THSD7B: variants seen among roughly 807,000 people sequenced by gnomAD.
THSD7B encodes thrombospondin type 1 domain containing 7B.
THSD7B carries 138 observed loss-of-function variants against 213.6 expected under a neutral mutation model. The ratio of observed to expected loss-of-function variants is 0.65; its 90% CI spans 0.56 to 0.74. THSD7B has a LOEUF of 0.74. Ranked by LOEUF, THSD7B falls within the 30% of genes least tolerant of loss-of-function variation. The probability of loss-of-function intolerance (pLI) is 0.00; values close to 1 mark genes in which losing one functional copy is unlikely to be tolerated. For missense variants in THSD7B, 1,931 were observed against 1,991.5 expected (o/e 0.97, Z 0.58); for synonymous variants, 742 against 687.0 (o/e 1.08, Z -1.25).
rs74780304 is a variant in THSD7B at position 137,383,236 on chromosome 2, G to T, written c.2501-22377G>T. 7.0e-3 allele frequency among the ~76,000 whole-genome samples: 1,063 copies of T among 152,270 alleles called. 5 individuals carry two copies. Among genetic ancestry groups the T allele is most frequent in the Non-Finnish European group, 9.6e-3 (651 of 68,026 alleles). On this transcript the variant is annotated intron_variant, in intron 12 of 27. Coordinates refer to ENST00000409968, the MANE Select transcript of THSD7B (RefSeq NM_001316349.2). ...TGTTGCCTGCCCCAGTGCCCCTAAAGGTAGGGAAATAAAAACTTGGCTTAA... is the reference window on the plus strand; with the variant it reads ...TGTTGCCTGCCCCAGTGCCCCTAAATGTAGGGAAATAAAAACTTGGCTTAA...
At chr2:136,975,655 T>A (rs1685468911) in intron 2 of THSD7B, among the ~76,000 whole-genome samples, 1 of 152,144 alleles carries the variant, frequency 6.6e-6, no homozygotes, top group Non-Finnish European at 1.5e-5. Flanking sequence ...CTTAAGGTTG[T>A]CTTGGATGTA....
intron 10 of THSD7B, among the ~76,000 whole-genome samples, chr2:137,263,421 C>T (rs1682498728): frequency 1.3e-5 from 2 of 152,178 alleles, no homozygotes; most frequent in South Asian, 4.2e-4. Context: ...AGGTTAAGTG[C>T]CTTGCCCAAG....
chr2:137,380,864 G>A lies in THSD7B; in HGVS notation c.2501-24749G>A, dbSNP rs147460543. ...ATTAGGTGATCACCCACATGAGCTC[G>A]TGCTTGGCTTAGAGCCACTATTGTC... On this transcript the variant is annotated intron_variant, in intron 12 of 27. Coordinates refer to ENST00000409968, the MANE Select transcript of THSD7B (RefSeq NM_001316349.2). Among the ~76,000 whole-genome samples the A allele has an allele frequency of 2.6e-3, 400 of 152,352 alleles. 1 individual carries two copies. Among genetic ancestry groups the A allele is most frequent in the African/African-American group, 9.1e-3 (380 of 41,586 alleles).
intron 15 of THSD7B, among the ~76,000 whole-genome samples, chr2:137,557,975 A>C (rs1191824799): frequency 6.6e-6 from 1 of 152,214 alleles, no homozygotes; most frequent in Admixed American, 6.5e-5. Flanking sequence ...GAAATGGATA[A>C]ATTCCTGGAC....
chr2:137,574,688 A>G (rs557067319), intron 17 of THSD7B, among the ~76,000 whole-genome samples: 1 of 152,086 alleles, frequency 6.6e-6, no homozygotes, highest in East Asian at 1.9e-4. Context: ...AAAAAATGGT[A>G]ATTAGGGCTC....
At chr2:137,479,213 C>T (rs1329207755) in intron 15 of THSD7B, among the ~76,000 whole-genome samples, 1 of 152,160 alleles carries the variant, frequency 6.6e-6, no homozygotes, top group Non-Finnish European at 1.5e-5. Context: ...CAAGGCCAGT[C>T]TCCAGGCCCA....
At chr2:137,268,316 C>A (rs370446180) in intron 10 of THSD7B, among the ~76,000 whole-genome samples, 2 of 151,478 alleles carry the variant, frequency 1.3e-5, no homozygotes, top group East Asian at 1.9e-4. Flanking sequence ...CCCCCACCCC[C>A]CAACAGGCCC....
chr2:137,624,716 A>G (rs1378412686), intron 20 of THSD7B, among the ~76,000 whole-genome samples: 1 of 152,246 alleles, frequency 6.6e-6, no homozygotes, highest in Non-Finnish European at 1.5e-5. Flanking sequence ...CAACAGACAC[A>G]TGAAAAAATG....
intron 3 of THSD7B, among the ~76,000 whole-genome samples, chr2:137,072,063 T>C (rs1005059327): frequency 6.6e-6 from 1 of 152,240 alleles, no homozygotes; most frequent in African/African-American, 2.4e-5. Flanking sequence ...CTTCGTTCTT[T>C]GGCTTAGGAT....
intron 15 of THSD7B, among the ~76,000 whole-genome samples, chr2:137,464,313 A>G (rs1030145640): frequency 6.6e-6 from 1 of 152,104 alleles, no homozygotes; most frequent in African/African-American, 2.4e-5. Flanking sequence ...GGGTTCTTCC[A>G]GAAAGAGTGC....
chr2:136,839,768 T>A (rs1389042731), intron 1 of THSD7B, among the ~76,000 whole-genome samples: 1 of 152,216 alleles, frequency 6.6e-6, no homozygotes. Flanking sequence ...TGCCTGATGG[T>A]CATTTAGATC....
intron 1 of THSD7B, among the ~76,000 whole-genome samples, chr2:136,783,281 T>C (rs1412079008): frequency 1.3e-5 from 2 of 152,200 alleles, no homozygotes; most frequent in African/African-American, 4.8e-5. Flanking sequence ...TAGTGTGTTA[T>C]TCTACCTAGC....
At chr2:137,274,461 A>G (rs564139723) in intron 11 of THSD7B, among the ~76,000 whole-genome samples, 51 of 152,208 alleles carry the variant, frequency 3.4e-4, no homozygotes, top group African/African-American at 1.1e-3. Flanking sequence ...CCCTATGTAG[A>G]ATTGGCAATA....
intron 1 of THSD7B, among the ~76,000 whole-genome samples, chr2:136,821,064 A>G (rs981279063): frequency 1.1e-4 from 16 of 152,226 alleles, no homozygotes; most frequent in African/African-American, 3.9e-4. Flanking sequence ...TTTTTTGTGT[A>G]TAAAAATGAC....
chr2:137,226,005 A>G (rs1370816911), intron 7 of THSD7B, among the ~76,000 whole-genome samples: 1 of 151,800 alleles, frequency 6.6e-6, no homozygotes, highest in Non-Finnish European at 1.5e-5. Flanking sequence ...TGAGGACATA[A>G]TATTTAGATT....
At chr2:137,106,316 A>G (rs1385725279) in intron 4 of THSD7B, among the ~76,000 whole-genome samples, 1 of 152,238 alleles carries the variant, frequency 6.6e-6, no homozygotes, top group African/African-American at 2.4e-5. Flanking sequence ...TGTTTAATAA[A>G]TGGTGTTGGG....
intron 3 of THSD7B, among the ~76,000 whole-genome samples, chr2:137,090,173 G>C (rs1158743658): frequency 6.6e-6 from 1 of 151,742 alleles, no homozygotes; most frequent in South Asian, 2.1e-4. Flanking sequence ...ACATATGAAA[G>C]TATAAAACAT....
At chr2:137,518,725 T>C (rs1018223060) in intron 15 of THSD7B, among the ~76,000 whole-genome samples, 2 of 152,130 alleles carry the variant, frequency 1.3e-5, no homozygotes, top group Admixed American at 6.5e-5. Flanking sequence ...ACAGTGGCCA[T>C]TGTGGCAGGG....
At chr2:136,994,294 C>T (rs572159619) in intron 2 of THSD7B, among the ~76,000 whole-genome samples, 6 of 152,280 alleles carry the variant, frequency 3.9e-5, no homozygotes, top group Non-Finnish European at 5.9e-5. Context: ...GGGCCGGGCG[C>T]GGTGGCTCAC....
Sources: allele counts gnomAD v4.1 joint callset (sites outside exome capture counted in the v4.1 genomes callset), GRCh38; gene constraint gnomAD v4.1.1; transcripts MANE v1.5; gene names NCBI Gene and HGNC (gene_info 2026-07-23, HGNC 2026-07-21).